The following SNX29 variants were observed in gnomAD, a reference collection of about 807,000 sequenced individuals.
The protein encoded by SNX29 is sorting nexin-29.
Under a neutral mutation model 102.1 loss-of-function variants are expected in SNX29, and 78 were observed. The observed-to-expected ratio is 0.76, with a 90% CI of 0.64 to 0.92. SNX29 has a LOEUF of 0.92. Among genes scored for constraint, SNX29 ranks in the 40% least tolerant of loss-of-function variants. The pLI is 0.00. For synonymous variants in SNX29, 580 were observed against 414.5 expected, an observed-to-expected ratio of 1.40 and a Z score of -4.85; for missense variants, 1,280 against 1,061.7, an observed-to-expected ratio of 1.21 and a Z score of -2.86.
chr16:12,324,443 G>A (rs1434618580), intron 15 of SNX29, among the ~76,000 whole-genome samples: 2 of 151,166 alleles, frequency 1.3e-5, no homozygotes, highest in Non-Finnish European at 2.9e-5. Flanking sequence ...TTTTTTGTTT[G>A]TTTGTTTGTT....
At chr16:12,425,541 AAAATAAAAAAAAT>A (rs895312570) in intron 18 of SNX29, among the ~76,000 whole-genome samples, 7 of 66,610 alleles carry the variant, frequency 1.1e-4, no homozygotes, top group South Asian at 9.7e-4. Flanking sequence ...AAAAAAAAAA[AAAATAAAAAAAAT>A]AAAAAGAGGG....
At chr16:12,302,871 G>C (rs1452709165) in intron 15 of SNX29, among the ~76,000 whole-genome samples, 1 of 152,206 alleles carries the variant, frequency 6.6e-6, no homozygotes, top group Admixed American at 6.5e-5. Context: ...TCTAGTTTAA[G>C]AGGATCAATC....
At chr16:12,554,845 G>C (rs572528465) in intron 20 of SNX29, among the ~76,000 whole-genome samples, 1 of 152,302 alleles carries the variant, frequency 6.6e-6, no homozygotes, top group East Asian at 1.9e-4. Context: ...TTCCGTAGGT[G>C]CCAGGGTGCT....
intron 11 of SNX29, among the ~76,000 whole-genome samples, chr16:12,095,996 G>A (rs1028136390): frequency 4.6e-5 from 7 of 152,220 alleles, no homozygotes; most frequent in Non-Finnish European, 2.9e-5. Context: ...GAGGAGTGCT[G>A]TAGTAACATC....
At chr16:12,035,121 T>G (rs1290140107) in intron 4 of SNX29, among the ~76,000 whole-genome samples, 2 of 151,968 alleles carry the variant, frequency 1.3e-5, no homozygotes, top group Non-Finnish European at 2.9e-5. Flanking sequence ...TTTCAGAATG[T>G]AAATGACTCT....
chr16:12,022,948 G>A (rs543557666), intron 3 of SNX29, among the ~76,000 whole-genome samples: 33 of 146,622 alleles, frequency 2.3e-4, no homozygotes, highest in Admixed American at 1.1e-3. Flanking sequence ...CCAAGCTGGA[G>A]TGCAGTGATG....
intron 15 of SNX29, among the ~76,000 whole-genome samples, chr16:12,280,592 G>C (rs531801751): frequency 3.8e-4 from 58 of 152,328 alleles, no homozygotes; most frequent in African/African-American, 1.4e-3. Context: ...AGAGAAGTGT[G>C]AGGTTGAAGC....
intron 18 of SNX29, among the ~76,000 whole-genome samples, chr16:12,459,180 CCG>C (rs1348861098): frequency 6.7e-6 from 1 of 148,902 alleles, no homozygotes; most frequent in Non-Finnish European, 1.5e-5. Flanking sequence ...ATCCTCCTAC[CCG>C]CCTTTTCCCC....
At chr16:12,396,260 G>C (rs2083717136) in intron 16 of SNX29, among the ~76,000 whole-genome samples, 1 of 152,158 alleles carries the variant, frequency 6.6e-6, no homozygotes, top group Admixed American at 6.5e-5. Context: ...AGTAATGTCT[G>C]TCCTTAAAAA....
At chr16:12,104,091 C>T (rs2053132208) in intron 11 of SNX29, among the ~76,000 whole-genome samples, 1 of 152,206 alleles carries the variant, frequency 6.6e-6, no homozygotes. Context: ...GAGTTTGTTT[C>T]CTTGAAACGG....
chr16:12,502,263 T>C lies in SNX29; in HGVS notation c.2179-22439T>C, dbSNP rs541247502. Among the ~76,000 whole-genome samples the C allele has an allele frequency of 9.9e-5, 15 of 152,234 alleles. 1 individual carries two copies. In the South Asian group the frequency reaches 2.9e-3, roughly 29 times the overall value. On this transcript the variant is annotated intron_variant, in intron 19 of 20. Transcript: ENST00000566228. The stretch of plus-strand genomic sequence containing the variant: ...GCATGGGTTCTGGGGTCAGAGTACT[T>C]GGGTTTGAATCTTGAGCTAGTGTAG...
chr16:12,334,260 G>A (rs943771886), intron 15 of SNX29, among the ~76,000 whole-genome samples: 4 of 152,138 alleles, frequency 2.6e-5, no homozygotes, highest in African/African-American at 9.7e-5. Context: ...CAAGGAACTC[G>A]CTTAGCTTGG....
intron 15 of SNX29, among the ~76,000 whole-genome samples, chr16:12,341,195 C>A (rs1280588257): frequency 6.6e-6 from 1 of 152,110 alleles, no homozygotes; most frequent in Non-Finnish European, 1.5e-5. Context: ...CTGCCTGGGC[C>A]CATATAGCAG....
intron 13 of SNX29, among the ~76,000 whole-genome samples, chr16:12,189,248 A>G (rs1382343681): frequency 6.6e-6 from 1 of 152,206 alleles, no homozygotes; most frequent in Admixed American, 6.5e-5. Flanking sequence ...TAATCTTCAC[A>G]TTATGCTCAA....
At chr16:12,282,083 C>CAAAAA (rs758827865) in intron 15 of SNX29, among the ~76,000 whole-genome samples, 5 of 62,062 alleles carry the variant, frequency 8.1e-5, no homozygotes, top group Admixed American at 2.3e-4. Flanking sequence ...GACTCCATCT[C>CAAAAA]AAAAAAAAAA....
Position 12,477,826 on chromosome 16 carries a change from C to T in SNX29, c.2145C>T (p.Tyr715=). 1 of 1,611,338 alleles carries T rather than the reference C, an allele frequency of 6.2e-7. No individual in the cohort carries two copies. The highest frequency in any genetic ancestry group is 8.5e-7 in the Non-Finnish European group (1 of 1,179,128). ...ACAAGTACCCTCAAGTGAGGGCCTA[C>T]AACTTCCCACCCAAAAAGGCCATTG... ...LQNKYPQVRA[Y]NFPPKKAIGN... The change falls in exon 19 of 21, where the codon TAC becomes TAT. Residue 715 remains tyrosine (Y), a synonymous_variant. Transcript: ENST00000566228.
At chr16:12,367,783 G>A (rs1343677528) in intron 16 of SNX29, among the ~76,000 whole-genome samples, 2 of 152,188 alleles carry the variant, frequency 1.3e-5, no homozygotes, top group Non-Finnish European at 2.9e-5. Context: ...TTAACTCAGC[G>A]CTTGGACATC....
intron 14 of SNX29, among the ~76,000 whole-genome samples, chr16:12,272,200 T>G (rs1243518029): frequency 1.3e-5 from 2 of 152,170 alleles, no homozygotes; most frequent in Admixed American, 1.3e-4. Context: ...GGTTGCTGAT[T>G]CTTCTTAAAT....
At chr16:12,387,760 T>C (rs916943926) in intron 16 of SNX29, among the ~76,000 whole-genome samples, 4 of 152,144 alleles carry the variant, frequency 2.6e-5, no homozygotes, top group African/African-American at 9.7e-5. Context: ...TAAGGTCTTT[T>C]CCGGGAGACC....
Sources: allele counts gnomAD v4.1 joint callset (sites outside exome capture counted in the v4.1 genomes callset), GRCh38; gene constraint gnomAD v4.1.1; transcripts MANE v1.5; gene names NCBI Gene and HGNC (gene_info 2026-07-23, HGNC 2026-07-21).